RBFOX1: variants seen among roughly 807,000 people sequenced by gnomAD.
The protein encoded by RBFOX1 is RNA binding fox-1 homolog 1.
RBFOX1 carries 8 observed loss-of-function variants against 57.7 expected under a neutral mutation model. That is an observed-to-expected ratio of 0.14 (90% CI 0.08 to 0.25). The LOEUF (loss-of-function observed/expected upper bound fraction) is 0.25. Ranked by LOEUF, RBFOX1 falls within the 10% of genes least tolerant of loss-of-function variation. RBFOX1 has a pLI of 1.00. For synonymous variants in RBFOX1, 326 were observed against 222.4 expected, an observed-to-expected ratio of 1.47 and a Z score of -4.15; for missense variants, 611 against 548.5, an observed-to-expected ratio of 1.11 and a Z score of -1.14.
intron 2 of RBFOX1, among the ~76,000 whole-genome samples, chr16:5,488,842 G>A (rs1157625335): frequency 6.6e-6 from 1 of 152,064 alleles, no homozygotes; most frequent in Non-Finnish European, 1.5e-5. Flanking sequence ...TGCTGGTGGG[G>A]TGTGATGGTG....
chr16:7,710,151 T>A, intron 15 of RBFOX1: 1 of 1,024,204 alleles, frequency 9.8e-7, no homozygotes, highest in Non-Finnish European at 1.2e-6. Context: ...CTTCTCAAGA[T>A]CAGATTCCAT....
chr16:6,700,594 G>A (rs950251578), intron 3 of RBFOX1, among the ~76,000 whole-genome samples: 1 of 152,038 alleles, frequency 6.6e-6, no homozygotes, highest in Non-Finnish European at 1.5e-5. Flanking sequence ...GGAGGCAGAG[G>A]TTGCAGTGAG....
rs142188470 is a variant in RBFOX1 at position 6,460,776 on chromosome 16, A to G, written c.-64+143719A>G. 1.3e-4 allele frequency among the ~76,000 whole-genome samples: 20 copies of G among 151,762 alleles called. No homozygotes were observed. The East Asian group carries it at 1.9e-3, about 15-fold the overall frequency. On this transcript the variant is annotated intron_variant, in intron 2 of 15. Transcript: ENST00000550418. ...TAGCCAAAGGAATATAAATCATTCTATTATAAAGATACATGCACGTATATG... is the reference window on the plus strand; with the variant it reads ...TAGCCAAAGGAATATAAATCATTCTGTTATAAAGATACATGCACGTATATG...
chr16:6,537,420 C>G (rs1324127413), intron 2 of RBFOX1, among the ~76,000 whole-genome samples: 1 of 152,132 alleles, frequency 6.6e-6, no homozygotes, highest in Non-Finnish European at 1.5e-5. Context: ...TAAATGGAGC[C>G]ATGCGTGTAT....
chr16:6,944,509 G>A lies in RBFOX1; in HGVS notation c.-15-107548G>A, dbSNP rs111411737. 4.2e-3 allele frequency among the ~76,000 whole-genome samples: 639 copies of A among 152,248 alleles called. 8 individuals are homozygous for A. Among genetic ancestry groups the A allele is most frequent in the African/African-American group, 0.015 (612 of 41,544 alleles). Reference sequence around the variant, plus strand: ...CATAGGTGACAGTGACTTTGGATCAGAGTGATAGTAACCAGAAGTGGTCAC... The same window carrying A: ...CATAGGTGACAGTGACTTTGGATCAAAGTGATAGTAACCAGAAGTGGTCAC... On this transcript the variant is annotated intron_variant, in intron 3 of 15. Transcript: ENST00000550418.
In RBFOX1 at chr16:7,317,078, A is replaced by G. The variant is rs550945058; in HGVS notation, c.28-201069A>G. Among the ~76,000 whole-genome samples, 3 of 152,068 alleles carry G rather than the reference A, an allele frequency of 2.0e-5. No individual in the cohort carries two copies. In the South Asian group the frequency reaches 6.2e-4, roughly 32 times the overall value. ...AGGCCAGTTTGGCTTTTCTGCAGAGAATAGAGGGAGACAAGATAGAAAGCT... is the reference window on the plus strand; with the variant it reads ...AGGCCAGTTTGGCTTTTCTGCAGAGGATAGAGGGAGACAAGATAGAAAGCT... On this transcript the variant is annotated intron_variant, in intron 4 of 15. Transcript: ENST00000550418.
intron 4 of RBFOX1, among the ~76,000 whole-genome samples, chr16:7,452,664 G>C (rs1402681783): frequency 6.6e-6 from 1 of 152,104 alleles, no homozygotes; most frequent in Non-Finnish European, 1.5e-5. Context: ...AAGATGTATA[G>C]GCTCAGACTT....
intron 2 of RBFOX1, among the ~76,000 whole-genome samples, chr16:6,416,030 A>G (rs1051517760): frequency 6.6e-6 from 1 of 152,212 alleles, no homozygotes; most frequent in South Asian, 2.1e-4. Context: ...TGTTTCTGAG[A>G]TGAGCTACAA....
At chr16:5,538,690 A>G (rs2044804877) in intron 2 of RBFOX1, among the ~76,000 whole-genome samples, 1 of 147,742 alleles carries the variant, frequency 6.8e-6, no homozygotes, top group South Asian at 2.1e-4. Flanking sequence ...CAGTGGTGTG[A>G]TCTCCGCTCA....
At chr16:5,705,445 G>A (rs546291433) in intron 3 of RBFOX1, among the ~76,000 whole-genome samples, 46 of 152,166 alleles carry the variant, frequency 3.0e-4, no homozygotes, top group East Asian at 7.7e-4. Context: ...AATTTTTTGC[G>A]GAGAAGGGGT....
intron 4 of RBFOX1, among the ~76,000 whole-genome samples, chr16:5,912,818 C>T (rs1345213476): frequency 7.9e-5 from 12 of 152,024 alleles, no homozygotes; most frequent in South Asian, 4.1e-4. Context: ...GCTGGTTTGG[C>T]GATGAAAGTG....
At chr16:6,156,910 G>A (rs1275426252) in intron 1 of RBFOX1, among the ~76,000 whole-genome samples, 2 of 152,134 alleles carry the variant, frequency 1.3e-5, no homozygotes, top group Non-Finnish European at 2.9e-5. Context: ...CATGATTATG[G>A]TTCACCATAG....
At chr16:7,606,229 C>G (rs770580862) in intron 9 of RBFOX1, among the ~76,000 whole-genome samples, 9 of 149,558 alleles carry the variant, frequency 6.0e-5, no homozygotes, top group South Asian at 2.1e-4. Flanking sequence ...TCAGGTGATT[C>G]TCCTGCCTCG....
At chr16:7,136,326 A>G (rs779435452) in intron 4 of RBFOX1, among the ~76,000 whole-genome samples, 10 of 152,008 alleles carry the variant, frequency 6.6e-5, no homozygotes, top group African/African-American at 1.2e-4. Flanking sequence ...CAAGTGTCCA[A>G]TGACCCCCCT....
rs1169262199 is a variant in RBFOX1, at chr16:7,406,501, C to T, written c.28-111646C>T. Among the ~76,000 whole-genome samples, 3 of 152,176 alleles carry T rather than the reference C, an allele frequency of 2.0e-5. No individual in the cohort carries two copies. In the East Asian group the frequency reaches 5.8e-4, roughly 29 times the overall value. ...ATGTGGGTTTCCAAAAGAAAACCTA[C>T]TTTCGAATCTTGCTTTTGAGTGGAC... is the stretch of plus-strand genomic sequence containing the variant. On this transcript the variant is annotated intron_variant, in intron 4 of 15. Transcript: ENST00000550418.
chr16:6,267,285 C>G (rs1180631476), intron 1 of RBFOX1, among the ~76,000 whole-genome samples: 1 of 152,190 alleles, frequency 6.6e-6, no homozygotes, highest in Non-Finnish European at 1.5e-5. Context: ...AATTCATACA[C>G]TAACACCGTA....
intron 3 of RBFOX1, among the ~76,000 whole-genome samples, chr16:6,780,588 A>T (rs1476304518): frequency 7.2e-6 from 1 of 139,146 alleles, no homozygotes; most frequent in Non-Finnish European, 1.5e-5. Flanking sequence ...ATATATTTAT[A>T]TATATATTTC....
chr16:5,391,625 G>T (rs367582337), intron 1 of RBFOX1, among the ~76,000 whole-genome samples: 13 of 152,102 alleles, frequency 8.5e-5, no homozygotes, highest in African/African-American at 2.4e-4. Flanking sequence ...CCTCCTGAAG[G>T]CTGTCTGTTC....
At chr16:6,875,465 G>C (rs370898452) in intron 3 of RBFOX1, among the ~76,000 whole-genome samples, 4 of 152,120 alleles carry the variant, frequency 2.6e-5, no homozygotes, top group Non-Finnish European at 5.9e-5. Flanking sequence ...TTCGCTGAGA[G>C]TCTTCGAATT....
Sources: gnomAD v4.1 joint callset for allele counts (sites outside exome capture counted in the v4.1 genomes callset) on GRCh38, gnomAD v4.1.1 for gene constraint, MANE v1.5 for transcripts, NCBI Gene and HGNC (gene_info 2026-07-23, HGNC 2026-07-21) for gene names.